ASTN1: variants seen among roughly 807,000 people sequenced by gnomAD.
The protein encoded by ASTN1 is astrotactin 1.
In ASTN1, 41 loss-of-function variants were observed where a neutral mutation model predicts 140.7. The observed-to-expected ratio is 0.29, with a 90% CI of 0.23 to 0.38. The LOEUF is 0.38. Among genes scored for constraint, ASTN1 ranks in the 10% least tolerant of loss-of-function variants. The probability of loss-of-function intolerance (pLI) is 1.00; values close to 1 mark genes in which losing one functional copy is unlikely to be tolerated. For synonymous variants in ASTN1, 640 were observed against 652.2 expected, an observed-to-expected ratio of 0.98 and a Z score of 0.29; for missense variants, 1,479 against 1,678.8, an observed-to-expected ratio of 0.88 and a Z score of 2.08.
intron 10 of ASTN1, 31 bp from the exon 11 acceptor site, chr1:176,957,859 G>T (rs749637742): frequency 1.2e-5 from 20 of 1,605,490 alleles, no homozygotes; most frequent in Non-Finnish European, 1.6e-5. Flanking sequence ...AAGCAGGGAG[G>T]AGTCAAGGAG....
intron 21 of ASTN1, 93 bp from the exon 22 acceptor site, chr1:176,869,120 A>G: frequency 1.2e-6 from 1 of 847,410 alleles, no homozygotes; most frequent in Non-Finnish European, 1.7e-6. Flanking sequence ...TCATATAGAC[A>G]TATCACATAT....
chr1:176,992,412 A>G (rs1346600201), intron 8 of ASTN1, among the ~76,000 whole-genome samples: 1 of 145,120 alleles, frequency 6.9e-6, no homozygotes, highest in Non-Finnish European at 1.5e-5. Flanking sequence ...TGCCCTTAAG[A>G]AAAAAAAAAA....
chr1:177,080,344 G>A (rs562203309), intron 1 of ASTN1, among the ~76,000 whole-genome samples: 93 of 145,036 alleles, frequency 6.4e-4, no homozygotes, highest in Non-Finnish European at 1.0e-3. Flanking sequence ...TCAGGCTTTT[G>A]TCCACTGTTT....
intron 2 of ASTN1, among the ~76,000 whole-genome samples, chr1:177,049,292 T>A (rs1677414403): frequency 6.6e-6 from 1 of 152,174 alleles, no homozygotes; most frequent in Admixed American, 6.5e-5. Flanking sequence ...GTGGGACATG[T>A]TTATGTTATC....
At chr1:176,985,895 C>CACACACACAG (rs1553238635) in intron 8 of ASTN1, among the ~76,000 whole-genome samples, 2 of 138,512 alleles carry the variant, frequency 1.4e-5, no homozygotes, top group African/African-American at 5.6e-5. Flanking sequence ...CACACACACA[C>CACACACACAG]AGACAGCCTT....
chr1:176,953,427 C>A lies in ASTN1; in HGVS notation c.1888-4076G>T, dbSNP rs533736850. The stretch of plus-strand genomic sequence containing the variant: ...GGGTTCTCTTTTACTAAATGGCAAC[C>A]TCACTTCTTTTACAAATAATGATTC... On this transcript the variant is annotated intron_variant, in intron 11 of 22. Transcript: ENST00000361833. Among the ~76,000 whole-genome samples, 4 of 152,348 alleles carry A rather than the reference C, an allele frequency of 2.6e-5. No individual in the cohort carries two copies. In the East Asian group the frequency reaches 5.8e-4, roughly 22 times the overall value.
intron 1 of ASTN1, among the ~76,000 whole-genome samples, chr1:177,139,777 A>G (rs1325473801): frequency 6.6e-6 from 1 of 152,172 alleles, no homozygotes; most frequent in Non-Finnish European, 1.5e-5. Flanking sequence ...CTTTTCTTCC[A>G]GGGGCCCCAC....
At chr1:176,994,807 T>C (rs1674361607) in intron 8 of ASTN1, among the ~76,000 whole-genome samples, 1 of 152,210 alleles carries the variant, frequency 6.6e-6, no homozygotes, top group Admixed American at 6.5e-5. Context: ...TAATACTAGA[T>C]GCTTTGAACA....
intron 19 of ASTN1, among the ~76,000 whole-genome samples, chr1:176,883,224 A>G (rs1668883114): frequency 6.7e-6 from 1 of 149,526 alleles, no homozygotes; most frequent in Non-Finnish European, 1.5e-5. Flanking sequence ...ATCACACCTG[A>G]GAGCTTCTTT....
intron 21 of ASTN1, among the ~76,000 whole-genome samples, chr1:176,872,981 C>T (rs529445290): frequency 6.6e-6 from 1 of 152,262 alleles, no homozygotes; most frequent in East Asian, 1.9e-4. Context: ...GATATAAGCT[C>T]CATGAGACAG....
intron 11 of ASTN1, among the ~76,000 whole-genome samples, chr1:176,951,514 C>T (rs1672189407): frequency 6.6e-6 from 1 of 152,230 alleles, no homozygotes; most frequent in Admixed American, 6.5e-5. Context: ...TTTATTCCCA[C>T]CTCATATGGT....
intron 1 of ASTN1, among the ~76,000 whole-genome samples, chr1:177,101,519 T>G (rs1401572826): frequency 6.6e-6 from 1 of 152,186 alleles, no homozygotes; most frequent in East Asian, 1.9e-4. Context: ...TAACCTATGG[T>G]GTTCAAGTTA....
intron 9 of ASTN1, among the ~76,000 whole-genome samples, chr1:176,961,516 C>G (rs991732291): frequency 1.3e-5 from 2 of 152,170 alleles, no homozygotes; most frequent in Non-Finnish European, 2.9e-5. Flanking sequence ...AGCTGGTCAT[C>G]TGGCCCCATT....
chr1:176,943,196 CT>C (rs1184243094), intron 14 of ASTN1, among the ~76,000 whole-genome samples: 1 of 152,030 alleles, frequency 6.6e-6, no homozygotes, highest in Non-Finnish European at 1.5e-5. Context: ...CTTGAAGTCT[CT>C]TCCTTGGTCC....
chr1:176,936,285 G>T lies in ASTN1; in HGVS notation c.2463C>A (p.Asn821Lys). ...GCTCACCCTGAGAGATGGCCACTTG[G>T]TTGAGTTTGATGTGGTACATCACAG... ...VRSVMYHIKL[N>K]QVAISQALSN... The change falls in exon 15 of 23, where the codon AAC becomes AAA. Residue 821 changes from asparagine (N) to lysine (K), a missense_variant. This residue lies in a region of ASTN1 where 746 missense variants were observed against 800.9 expected (regional missense o/e 0.93). Coordinates refer to ENST00000361833, the MANE Select transcript of ASTN1 (RefSeq NM_004319.3). 1.9e-6 allele frequency: 3 copies of T among 1,614,028 alleles called. No homozygotes were observed. Among genetic ancestry groups the T allele is most frequent in the Non-Finnish European group, 2.5e-6 (3 of 1,179,924 alleles).
chr1:177,090,783 A>C (rs899025619), intron 1 of ASTN1, among the ~76,000 whole-genome samples: 5 of 152,086 alleles, frequency 3.3e-5, no homozygotes, highest in African/African-American at 1.2e-4. Flanking sequence ...TCCCATGTCT[A>C]TAAGAAAACC....
At position 177,061,068 on chromosome 1, in the gene ASTN1, C is replaced by A; in HGVS notation, c.471+10G>T. ...TATGGCCTGAGAGGCTAAGGCTGTT[C>A]TGCTCTTACCATGACTGAGATGTGG... On this transcript the variant is annotated intron_variant, in intron 2 of 22. Transcript: ENST00000361833. 1 of 1,574,574 alleles carries A rather than the reference C, an allele frequency of 6.4e-7. No homozygotes were observed. The highest frequency in any genetic ancestry group is 1.2e-5 in the South Asian group (1 of 83,482).
intron 7 of ASTN1, among the ~76,000 whole-genome samples, chr1:177,018,666 G>A (rs1485278406): frequency 6.6e-6 from 1 of 152,172 alleles, no homozygotes; most frequent in East Asian, 1.9e-4. Flanking sequence ...TGGGGGCTGT[G>A]AAATAAAGCA....
At chr1:176,894,528 C>A (rs375121658) in intron 17 of ASTN1, 34 bp downstream of exon 17, 1 of 1,603,766 alleles carries the variant, frequency 6.2e-7, no homozygotes, top group East Asian at 2.2e-5. Flanking sequence ...TTGTGGTTGA[C>A]GCCTCCCAGA....
Sources: gnomAD v4.1 joint callset for allele counts (sites outside exome capture counted in the v4.1 genomes callset) on GRCh38, gnomAD v4.1.1 for gene constraint, gnomAD v4.1.1 regional missense constraint, MANE v1.5 for transcripts, NCBI Gene and HGNC (gene_info 2026-07-23, HGNC 2026-07-21) for gene names.